Variants in C2CD2 observed in about 807,000 individuals in gnomAD.
C2CD2 encodes the protein C2 calcium dependent domain containing 2, also known as C2 domain-containing protein 2.
A neutral mutation model predicts 74.3 loss-of-function variants in C2CD2; 43 were observed. That is an observed-to-expected ratio of 0.58 (90% CI 0.45 to 0.75). C2CD2 has a LOEUF of 0.75. Among genes scored for constraint, C2CD2 ranks in the 30% least tolerant of loss-of-function variants. C2CD2 has a pLI of 0.00. For missense variants in C2CD2, 801 were observed against 916.3 expected, an observed-to-expected ratio of 0.87 and a Z score of 1.63; for synonymous variants, 422 against 390.7, an observed-to-expected ratio of 1.08 and a Z score of -0.94.
intron 1 of C2CD2, chr21:41,942,968 T>G: frequency 1.0e-6 from 1 of 984,214 alleles, no homozygotes; most frequent in Non-Finnish European, 1.2e-6. Flanking sequence ...TCCAGGAAAC[T>G]CGGTCAGCTC....
chr21:41,918,765 C>A (rs1343490959), intron 4 of C2CD2, 91 bp downstream of exon 4: 2 of 984,698 alleles, frequency 2.0e-6, no homozygotes, highest in South Asian at 1.4e-5. Context: ...GCCAGCAACA[C>A]CAGCCATGCA....
rs1387700087 is a variant in C2CD2, at chr21:41,899,006, A to G, written c.1870+47T>C. The G allele has an allele frequency of 6.9e-7, 1 of 1,457,302 alleles. No individual in the cohort carries two copies. The highest frequency in any genetic ancestry group is 9.5e-7 in the Non-Finnish European group (1 of 1,050,702). The allele number at this position is 1,457,302 out of a possible 1,614,324, so 90.3% of individuals were successfully genotyped here. ...CAGCTTGGAAGCCAGCATGAGCGCA[A>G]AGCCACCAAGTGGGGGGCCCGGGAT... is the stretch of plus-strand genomic sequence containing the variant. On this transcript the variant is annotated intron_variant, in intron 13 of 13. Transcript: ENST00000380486. The surrounding 1 kb of genome is among the most constrained non-coding windows in gnomAD (Gnocchi z 4.4).
At chr21:41,941,927 G>A (rs77512632) in intron 2 of C2CD2, among the ~76,000 whole-genome samples, 12 of 152,192 alleles carry the variant, frequency 7.9e-5, no homozygotes, top group Non-Finnish European at 1.3e-4. Context: ...GCACCGGAGC[G>A]AGTGTCAGAA....
At chr21:41,913,344 T>C (rs2065050499) in intron 6 of C2CD2, among the ~76,000 whole-genome samples, 1 of 152,246 alleles carries the variant, frequency 6.6e-6, no homozygotes, top group Non-Finnish European at 1.5e-5. Flanking sequence ...ATTGCTGGAA[T>C]GTGTGGACGC....
rs1263148771 is a variant in C2CD2, at chr21:41,935,681, G to A, written c.378+6466C>T. 8.5e-5 allele frequency among the ~76,000 whole-genome samples: 13 copies of A among 152,072 alleles called. No individual in the cohort carries two copies. In the South Asian group the frequency reaches 1.2e-3, roughly 15 times the overall value. On this transcript the variant is annotated intron_variant, in intron 2 of 13. Coordinates refer to ENST00000380486, the MANE Select transcript of C2CD2 (RefSeq NM_015500.2). The stretch of plus-strand genomic sequence containing the variant: ...AGCCTGGCCAACATGGTGAAACCCC[G>A]TCTCTACTAAAAATACAAAAATTCA...
chr21:41,902,585 G>A (rs776053003), intron 11 of C2CD2, among the ~76,000 whole-genome samples: 1 of 152,184 alleles, frequency 6.6e-6, no homozygotes, highest in African/African-American at 2.4e-5. Flanking sequence ...TCCTGCTCAG[G>A]TAAAGTCAAA....
chr21:41,894,970 G>C (rs962109858), intron 13 of C2CD2: 1 of 456,440 alleles, frequency 2.2e-6, no homozygotes, highest in African/African-American at 2.0e-5. Context: ...GTGAGGTGTC[G>C]CTGTGTCAAC....
intron 2 of C2CD2, among the ~76,000 whole-genome samples, chr21:41,936,961 G>A (rs1362263403): frequency 6.6e-6 from 1 of 151,590 alleles, no homozygotes; most frequent in East Asian, 1.9e-4. Flanking sequence ...TGGGATTACA[G>A]GCACACACCA....
intron 13 of C2CD2, among the ~76,000 whole-genome samples, chr21:41,898,084 C>G (rs2146142135): frequency 6.6e-6 from 1 of 152,360 alleles, no homozygotes; most frequent in South Asian, 2.1e-4. Context: ...CAGCGCTTAA[C>G]AAAGCTCCCC....
At chr21:41,905,408 C>T (rs2064948911) in intron 11 of C2CD2, among the ~76,000 whole-genome samples, 1 of 150,728 alleles carries the variant, frequency 6.6e-6, no homozygotes, top group Non-Finnish European at 1.5e-5. Context: ...ACCTCTGCCT[C>T]CCAGGTTCAA....
intron 2 of C2CD2, among the ~76,000 whole-genome samples, chr21:41,925,409 A>G (rs1299652551): frequency 6.6e-6 from 1 of 152,140 alleles, no homozygotes; most frequent in Non-Finnish European, 1.5e-5. Context: ...ACTTGAGCCC[A>G]AGGGTTTGAG....
intron 6 of C2CD2, 30 bp downstream of exon 6, chr21:41,914,568 C>A: frequency 6.2e-7 from 1 of 1,607,382 alleles, no homozygotes; most frequent in Non-Finnish European, 8.5e-7. Context: ...AAGAGCCCCT[C>A]CAGGCAGGCA....
Position 41,907,170 on chromosome 21 carries a change from C to T in C2CD2, c.1144-4G>A, listed in dbSNP as rs767356758. The T allele has an allele frequency of 9.9e-6, 16 of 1,613,408 alleles. No homozygotes were observed. In the African/African-American group the frequency reaches 1.9e-4, roughly 19 times the overall value. On this transcript the variant is annotated splice_region_variant and splice_polypyrimidine_tract_variant and intron_variant, in intron 9 of 13. Coordinates refer to ENST00000380486, the MANE Select transcript of C2CD2 (RefSeq NM_015500.2). ...CACCAGGTTCCATGTAAGAGAACTG[C>T]AGAGAAGACGCGTTACTTGTTTCTG...
intron 1 of C2CD2, among the ~76,000 whole-genome samples, chr21:41,951,635 T>TA (rs1201482414): frequency 6.6e-6 from 1 of 152,188 alleles, no homozygotes; most frequent in Non-Finnish European, 1.5e-5. Flanking sequence ...AAGACTCAAG[T>TA]AAAAAGTTTT....
At chr21:41,930,087 G>A (rs2065249956) in intron 2 of C2CD2, among the ~76,000 whole-genome samples, 1 of 134,590 alleles carries the variant, frequency 7.4e-6, no homozygotes, top group South Asian at 2.4e-4. Flanking sequence ...GACCAGTGGT[G>A]CCTTAGTGGA....
chr21:41,938,508 C>T (rs1293788680), intron 2 of C2CD2, among the ~76,000 whole-genome samples: 1 of 152,126 alleles, frequency 6.6e-6, no homozygotes, highest in African/African-American at 2.4e-5. Context: ...CCAGAACCTG[C>T]ATCTTCCCAA....
intron 6 of C2CD2, 57 bp from the exon 7 acceptor site, chr21:41,912,497 T>A (rs4549207): frequency 0.044 from 32,697 of 746,584 alleles, 1,024 homozygotes; most frequent in African/African-American, 0.2. Context: ...TTATTTATTT[T>A]TTTTTTTTTT....
At chr21:41,906,894 C>A in intron 10 of C2CD2, 98 bp downstream of exon 10, 1 of 871,064 alleles carries the variant, frequency 1.1e-6, no homozygotes, top group Non-Finnish European at 1.8e-6. Context: ...TCCTAACACT[C>A]GGCGCTGCAG....
At position 41,926,353 on chromosome 21, in the gene C2CD2, A is replaced by G; in HGVS notation, c.379-4268T>C. 1.3e-6 allele frequency: 1 copy of G among 768,280 alleles called. No homozygotes were observed. Among genetic ancestry groups the G allele is most frequent in the Non-Finnish European group, 1.6e-6 (1 of 631,732 alleles). 47.6% of individuals were successfully genotyped at this position (768,280 alleles called of 1,614,324 possible). A position where few individuals can be genotyped will look rare whatever the true frequency, so the allele number is the denominator to read the frequency against. On this transcript the variant is annotated intron_variant, in intron 2 of 13. Coordinates refer to ENST00000380486, the MANE Select transcript of C2CD2 (RefSeq NM_015500.2). The surrounding 1 kb of genome is among the most constrained non-coding windows in gnomAD (Gnocchi z 8.0). The stretch of plus-strand genomic sequence containing the variant: ...AGAGTGTTTTTCGGAGTGGGGGGCT[A>G]TTCACGGTAAGTCAGGGTCTCCACA...
Sources: gnomAD v4.1 joint callset for allele counts (sites outside exome capture counted in the v4.1 genomes callset) on GRCh38, gnomAD v4.1.1 for gene constraint, Gnocchi (gnomAD v3.1) non-coding constraint, MANE v1.5 for transcripts, NCBI Gene and HGNC (gene_info 2026-07-23, HGNC 2026-07-21) for gene names.